The following KCNMB2 variants were observed in gnomAD, a reference collection of about 807,000 sequenced individuals.
KCNMB2 encodes the protein calcium-activated potassium channel subunit beta-2.
In KCNMB2, 9 loss-of-function variants were observed where a neutral mutation model predicts 24.5. The observed-to-expected ratio is 0.37, with a 90% CI of 0.22 to 0.64. The LOEUF (loss-of-function observed/expected upper bound fraction) is 0.64. Ranked by LOEUF, KCNMB2 falls within the 30% of genes least tolerant of loss-of-function variation. The pLI is 0.63. For synonymous variants in KCNMB2, 109 were observed against 104.4 expected (o/e 1.04, Z -0.27); for missense variants, 226 against 284.3 (o/e 0.79, Z 1.47).
chr3:178,634,689 C>T (rs1336036316), intron 1 of KCNMB2, among the ~76,000 whole-genome samples: 2 of 152,112 alleles, frequency 1.3e-5, no homozygotes, highest in Non-Finnish European at 2.9e-5. Flanking sequence ...CAGAGCAAAA[C>T]CCAATGCTAG....
At chr3:178,673,874 C>A (rs2108586108) in intron 1 of KCNMB2, among the ~76,000 whole-genome samples, 1 of 152,196 alleles carries the variant, frequency 6.6e-6, no homozygotes, top group Admixed American at 6.5e-5. Context: ...CTCACCAATT[C>A]TTTCTTTCCC....
intron 1 of KCNMB2, among the ~76,000 whole-genome samples, chr3:178,551,219 C>T (rs1431754452): frequency 1.3e-5 from 2 of 152,120 alleles, no homozygotes; most frequent in Admixed American, 6.5e-5. Context: ...GCTGTGAGGG[C>T]TTTTTAGTAG....
intron 1 of KCNMB2, among the ~76,000 whole-genome samples, chr3:178,537,758 T>C (rs1156539734): frequency 6.6e-6 from 1 of 152,162 alleles, no homozygotes; most frequent in Non-Finnish European, 1.5e-5. Context: ...GGCAGAAACA[T>C]AGTAAGTGAA....
chr3:178,662,714 T>A (rs1375648758), intron 1 of KCNMB2, among the ~76,000 whole-genome samples: 1 of 152,148 alleles, frequency 6.6e-6, no homozygotes. Context: ...ATTTCACTAC[T>A]AATTTAATGA....
At chr3:178,664,663 C>T (rs1458475697) in intron 1 of KCNMB2, among the ~76,000 whole-genome samples, 3 of 151,620 alleles carry the variant, frequency 2.0e-5, no homozygotes, top group Admixed American at 6.6e-5. Context: ...TTTTATAAAT[C>T]TCCCACAGTT....
chr3:178,558,457 T>C (rs1005809331), intron 1 of KCNMB2, among the ~76,000 whole-genome samples: 2 of 152,206 alleles, frequency 1.3e-5, no homozygotes, highest in Non-Finnish European at 2.9e-5. Flanking sequence ...TTTAAATCTG[T>C]AAAACAAGAT....
chr3:178,778,348 C>T (rs1451975194), intron 1 of KCNMB2, among the ~76,000 whole-genome samples: 5 of 151,968 alleles, frequency 3.3e-5, no homozygotes, highest in South Asian at 2.1e-4. Context: ...CAGGCTAAGA[C>T]GGGCTTAATA....
intron 1 of KCNMB2, among the ~76,000 whole-genome samples, chr3:178,756,489 T>G (rs1002996151): frequency 1.3e-5 from 2 of 152,138 alleles, no homozygotes; most frequent in Non-Finnish European, 2.9e-5. Flanking sequence ...TCATATATAT[T>G]TTCACAAATA....
chr3:178,639,294 G>T (rs1719638830), intron 1 of KCNMB2, among the ~76,000 whole-genome samples: 1 of 152,162 alleles, frequency 6.6e-6, no homozygotes, highest in African/African-American at 2.4e-5. Flanking sequence ...TTGAGGCACA[G>T]ATATGTTGAA....
Position 178,579,248 on chromosome 3 carries a change from A to T in KCNMB2, c.-68+42537A>T, listed in dbSNP as rs148610999. Among the ~76,000 whole-genome samples, 301 of 152,326 alleles carry T rather than the reference A, an allele frequency of 2.0e-3. 1 individual carries two copies. The highest frequency in any genetic ancestry group is 7.0e-3 in the African/African-American group (290 of 41,582). On this transcript the variant is annotated intron_variant, in intron 1 of 4. Coordinates refer to ENST00000452583, the MANE Select transcript of KCNMB2 (RefSeq NM_181361.3). ...AAACCACACAACTACATGGAAACTG[A>T]ACAACCTGCTCCTAAATGACTATTA...
chr3:178,609,839 C>T (rs1050489072), intron 1 of KCNMB2, among the ~76,000 whole-genome samples: 4 of 151,930 alleles, frequency 2.6e-5, no homozygotes, highest in Non-Finnish European at 4.4e-5. Context: ...AGTTTTGCCA[C>T]GTTGCTCAGG....
intron 1 of KCNMB2, among the ~76,000 whole-genome samples, chr3:178,627,965 T>C (rs1160576082): frequency 6.6e-6 from 1 of 152,188 alleles, no homozygotes; most frequent in East Asian, 1.9e-4. Context: ...CGGAACTGAC[T>C]AGTGTGAATT....
intron 1 of KCNMB2, among the ~76,000 whole-genome samples, chr3:178,657,584 C>T (rs1172539817): frequency 6.6e-6 from 1 of 152,228 alleles, no homozygotes; most frequent in African/African-American, 2.4e-5. Flanking sequence ...TGTCTGTGGT[C>T]TGTAATCAGT....
Position 178,587,600 on chromosome 3 carries a change from TG to T in KCNMB2, c.-68+50891del, listed in dbSNP as rs201666849. Among the ~76,000 whole-genome samples, 1,064 of 110,784 alleles carry T rather than the reference TG, an allele frequency of 9.6e-3. 32 individuals are homozygous for T. Among genetic ancestry groups the T allele is most frequent in the African/African-American group, 0.034 (801 of 23,872 alleles). The allele number at this position is 110,784 out of a possible 152,430, so 72.7% of individuals were successfully genotyped here. On this transcript the variant is annotated intron_variant, in intron 1 of 4. Transcript: ENST00000452583. ...CGCCACACCCGGCTAATTTTTTGGG[TG>T]GTTTTTTTTTTTTTTTGTATTTTTA...
chr3:178,568,355 T>C (rs1716600403), intron 1 of KCNMB2, among the ~76,000 whole-genome samples: 1 of 152,210 alleles, frequency 6.6e-6, no homozygotes, highest in South Asian at 2.1e-4. Context: ...TGAGTGTAAC[T>C]ACACCAGCTT....
At chr3:178,625,623 CA>C (rs1719089590) in intron 1 of KCNMB2, among the ~76,000 whole-genome samples, 1 of 152,192 alleles carries the variant, frequency 6.6e-6, no homozygotes. Flanking sequence ...TAGTGTAGAA[CA>C]GTGGAAAATA....
intron 4 of KCNMB2, among the ~76,000 whole-genome samples, chr3:178,838,248 T>C (rs931237698): frequency 1.3e-5 from 2 of 152,178 alleles, no homozygotes; most frequent in African/African-American, 4.8e-5. Context: ...ATCTAACTGG[T>C]AGGAAATTTG....
chr3:178,840,051 C>T (rs1412196731), intron 4 of KCNMB2, among the ~76,000 whole-genome samples: 3 of 152,182 alleles, frequency 2.0e-5, no homozygotes, highest in Non-Finnish European at 4.4e-5. Flanking sequence ...AAGTTAGTTA[C>T]TTCCAAGATA....
At chr3:178,734,141 G>T (rs1353688602) in intron 1 of KCNMB2, among the ~76,000 whole-genome samples, 2 of 151,998 alleles carry the variant, frequency 1.3e-5, no homozygotes, top group Non-Finnish European at 2.9e-5. Context: ...AACTTGGGAG[G>T]GTGCCCAAGT....
Sources: allele counts gnomAD v4.1 joint callset (sites outside exome capture counted in the v4.1 genomes callset), GRCh38; gene constraint gnomAD v4.1.1; transcripts MANE v1.5; gene names NCBI Gene and HGNC (gene_info 2026-07-23, HGNC 2026-07-21).